The following CADPS2 variants were observed in gnomAD, a reference collection of about 807,000 sequenced individuals.
The protein encoded by CADPS2 is calcium dependent secretion activator 2, also known as calcium-dependent secretion activator 2.
In CADPS2, 93 loss-of-function variants were observed where a neutral mutation model predicts 172.5. The observed-to-expected ratio is 0.54, with a 90% CI of 0.46 to 0.64. The LOEUF is 0.64. CADPS2 is among the 30% of genes least tolerant of loss of function. The pLI, the probability that CADPS2 is intolerant of heterozygous loss-of-function variation, is 0.00. For synonymous variants in CADPS2, 546 were observed against 555.2 expected (o/e 0.98, Z 0.23); for missense variants, 1,420 against 1,565.9 (o/e 0.91, Z 1.57).
chr7:122,634,698 A>G (rs551016401), intron 3 of CADPS2, among the ~76,000 whole-genome samples: 1 of 152,182 alleles, frequency 6.6e-6, no homozygotes, highest in South Asian at 2.1e-4. Context: ...TTCTTCTGCT[A>G]GCTTTGGGGT....
chr7:122,886,440 C>A lies in CADPS2; in HGVS notation c.-103G>T. The A allele has an allele frequency of 1.4e-6, 2 of 1,390,388 alleles. No individual in the cohort carries two copies. Among genetic ancestry groups the A allele is most frequent in the Non-Finnish European group, 1.8e-6 (2 of 1,082,386 alleles). The allele number at this position is 1,390,388 out of a possible 1,614,324, so 86.1% of individuals were successfully genotyped here. ...GGAGCCGCGGGGCTGGCTGCAGCGG[C>A]CGCAGAACGAAAGGAAAACTGGCCA... On this transcript the variant is annotated 5_prime_UTR_variant, in exon 1 of 30. Coordinates refer to ENST00000449022, the MANE Select transcript of CADPS2 (RefSeq NM_017954.11).
At chr7:122,698,930 C>T in intron 2 of CADPS2, 4 of 1,546,294 alleles carry the variant, frequency 2.6e-6, no homozygotes, top group Non-Finnish European at 3.5e-6. Context: ...TCTCTCTTCT[C>T]CGAGTGACTT....
chr7:122,561,033 G>C (rs970520052), intron 7 of CADPS2, among the ~76,000 whole-genome samples: 6 of 152,090 alleles, frequency 3.9e-5, no homozygotes, highest in South Asian at 2.1e-4. Context: ...TAATACACTT[G>C]AGGTTGCTAA....
intron 3 of CADPS2, among the ~76,000 whole-genome samples, chr7:122,638,549 G>T (rs1210886525): frequency 1.3e-5 from 2 of 152,186 alleles, no homozygotes; most frequent in Non-Finnish European, 2.9e-5. Context: ...CAGGGCCATG[G>T]CACCTCAACC....
At chr7:122,459,427 G>A (rs900776523) in intron 14 of CADPS2, among the ~76,000 whole-genome samples, 1 of 151,916 alleles carries the variant, frequency 6.6e-6, no homozygotes, top group Non-Finnish European at 1.5e-5. Context: ...TCAAGTATTC[G>A]ATACATATTG....
intron 28 of CADPS2, among the ~76,000 whole-genome samples, chr7:122,330,236 TTAAATA>T (rs2034686016): frequency 6.6e-6 from 1 of 152,170 alleles, no homozygotes; most frequent in African/African-American, 2.4e-5. Flanking sequence ...TATGTACCTT[TTAAATA>T]TAAAGTTAAA....
At chr7:122,639,757 A>C (rs545005487) in intron 3 of CADPS2, among the ~76,000 whole-genome samples, 3 of 152,298 alleles carry the variant, frequency 2.0e-5, no homozygotes, top group South Asian at 2.1e-4. Flanking sequence ...ATTTTCTTTT[A>C]ATTGTCATTA....
chr7:122,417,073 G>A (rs1190826436), intron 17 of CADPS2, among the ~76,000 whole-genome samples: 1 of 152,094 alleles, frequency 6.6e-6, no homozygotes, highest in Admixed American at 6.5e-5. Context: ...TTCTTCTGGG[G>A]AACTTAAAGG....
intron 6 of CADPS2, among the ~76,000 whole-genome samples, chr7:122,603,997 T>C (rs2073153150): frequency 6.6e-6 from 1 of 152,124 alleles, no homozygotes; most frequent in Non-Finnish European, 1.5e-5. Flanking sequence ...AGTAACTTGA[T>C]TGTAATAATC....
At chr7:122,744,952 C>T (rs1370485086) in intron 1 of CADPS2, among the ~76,000 whole-genome samples, 1 of 147,070 alleles carries the variant, frequency 6.8e-6, no homozygotes. Context: ...GACTACATTC[C>T]ATGTACATCT....
At chr7:122,592,921 G>A (rs1378622510) in intron 6 of CADPS2, among the ~76,000 whole-genome samples, 1 of 151,512 alleles carries the variant, frequency 6.6e-6, no homozygotes, top group African/African-American at 2.4e-5. Flanking sequence ...ACACCAACAT[G>A]GCACATGTAT....
chr7:122,332,218 G>T (rs939734553), intron 28 of CADPS2, among the ~76,000 whole-genome samples: 1 of 151,952 alleles, frequency 6.6e-6, no homozygotes, highest in African/African-American at 2.4e-5. Context: ...CAGTCAAATG[G>T]CTATTAGGTT....
chr7:122,573,064 T>G (rs1409242703), intron 7 of CADPS2, among the ~76,000 whole-genome samples: 1 of 152,166 alleles, frequency 6.6e-6, no homozygotes, highest in Admixed American at 6.6e-5. Context: ...ATATTTTTCT[T>G]ACAACAAAGA....
At chr7:122,742,810 G>C (rs956790596) in intron 1 of CADPS2, among the ~76,000 whole-genome samples, 2 of 152,092 alleles carry the variant, frequency 1.3e-5, no homozygotes, top group African/African-American at 4.8e-5. Context: ...GATGACTAGA[G>C]AGCTCTCTTA....
intron 14 of CADPS2, among the ~76,000 whole-genome samples, chr7:122,451,927 T>C (rs1006285404): frequency 2.6e-5 from 4 of 152,130 alleles, no homozygotes; most frequent in Admixed American, 6.5e-5. Context: ...ATAAGAAACA[T>C]AGAAATTTTT....
intron 14 of CADPS2, among the ~76,000 whole-genome samples, chr7:122,453,453 C>A (rs1362629238): frequency 1.3e-5 from 2 of 151,998 alleles, no homozygotes; most frequent in Non-Finnish European, 2.9e-5. Context: ...CTGGGAAGTT[C>A]TATATAAATC....
chr7:122,504,284 G>A (rs2059444721), intron 9 of CADPS2, among the ~76,000 whole-genome samples: 2 of 152,122 alleles, frequency 1.3e-5, no homozygotes, highest in Non-Finnish European at 2.9e-5. Context: ...TTACACAGTG[G>A]TCTCCCCGTG....
intron 25 of CADPS2, among the ~76,000 whole-genome samples, chr7:122,367,890 T>C (rs996082429): frequency 6.6e-6 from 1 of 152,042 alleles, no homozygotes; most frequent in Non-Finnish European, 1.5e-5. Context: ...TCTAGCTTCT[T>C]GCCTGCATTC....
At chr7:122,620,524 C>A (rs1372619158) in intron 5 of CADPS2, among the ~76,000 whole-genome samples, 1 of 152,052 alleles carries the variant, frequency 6.6e-6, no homozygotes, top group African/African-American at 2.4e-5. Context: ...TCATGTAAAC[C>A]ATCAACAGAA....
Sources: allele counts gnomAD v4.1 joint callset (sites outside exome capture counted in the v4.1 genomes callset), GRCh38; gene constraint gnomAD v4.1.1; transcripts MANE v1.5; gene names NCBI Gene and HGNC (gene_info 2026-07-23, HGNC 2026-07-21).